SORCS2: variants seen among roughly 807,000 people sequenced by gnomAD.
The protein encoded by SORCS2 is VPS10 domain-containing receptor SorCS2.
Under a neutral mutation model 141.6 loss-of-function variants are expected in SORCS2, and 100 were observed. That is an observed-to-expected ratio of 0.71 (90% CI 0.60 to 0.83). SORCS2 has a LOEUF of 0.83. Ranked by LOEUF, SORCS2 falls within the 40% of genes least tolerant of loss-of-function variation. SORCS2 has a pLI of 0.00. For missense variants in SORCS2, 1,646 were observed against 1,560.2 expected, an observed-to-expected ratio of 1.05 and a Z score of -0.93; for synonymous variants, 789 against 676.9, an observed-to-expected ratio of 1.17 and a Z score of -2.57.
chr4:7,320,069 G>C (rs113048588), intron 1 of SORCS2, among the ~76,000 whole-genome samples: 1 of 152,192 alleles, frequency 6.6e-6, no homozygotes, highest in South Asian at 2.1e-4. Flanking sequence ...TTGGGAGGCC[G>C]AGGAGGGTGT....
chr4:7,391,987 G>A (rs1377974660), intron 1 of SORCS2, among the ~76,000 whole-genome samples: 1 of 152,194 alleles, frequency 6.6e-6, no homozygotes, highest in African/African-American at 2.4e-5. Context: ...CTGCCGGACC[G>A]GCCCTGTTAT....
intron 3 of SORCS2, among the ~76,000 whole-genome samples, chr4:7,555,157 C>G (rs969215509): frequency 6.6e-6 from 1 of 152,236 alleles, no homozygotes; most frequent in Non-Finnish European, 1.5e-5. Context: ...TAAACACTCC[C>G]TCTATGTGAA....
chr4:7,661,407 G>A, intron 5 of SORCS2, 93 bp from the exon 6 acceptor site: 2 of 1,374,126 alleles, frequency 1.5e-6, no homozygotes, highest in Middle Eastern at 1.8e-4. Flanking sequence ...TCAGAACCAG[G>A]GAGGCCACGT....
intron 2 of SORCS2, among the ~76,000 whole-genome samples, chr4:7,420,913 C>T (rs889745379): frequency 5.3e-5 from 8 of 152,300 alleles, no homozygotes; most frequent in Admixed American, 2.6e-4. Context: ...CTCCTCTGCC[C>T]GCCTGTCTCC....
At chr4:7,583,978 C>T (rs1716362156) in intron 3 of SORCS2, among the ~76,000 whole-genome samples, 1 of 152,222 alleles carries the variant, frequency 6.6e-6, no homozygotes, top group Non-Finnish European at 1.5e-5. Context: ...TCAATTTCCT[C>T]ATCTGTAAAA....
At chr4:7,461,964 G>T (rs1274991760) in intron 2 of SORCS2, among the ~76,000 whole-genome samples, 5 of 152,172 alleles carry the variant, frequency 3.3e-5, no homozygotes, top group African/African-American at 1.2e-4. Context: ...TCCCACGGCA[G>T]CTGGACACAG....
chr4:7,293,132 G>A (rs185546836), intron 1 of SORCS2, among the ~76,000 whole-genome samples: 45 of 152,154 alleles, frequency 3.0e-4, no homozygotes, highest in African/African-American at 1.0e-3. Flanking sequence ...GTGAAACCCT[G>A]TCTCTACTAA....
At chr4:7,205,281 C>G (rs1225388743) in intron 1 of SORCS2, among the ~76,000 whole-genome samples, 1 of 152,150 alleles carries the variant, frequency 6.6e-6, no homozygotes, top group Non-Finnish European at 1.5e-5. Context: ...CACAGGGGCT[C>G]TTAGCTCTCT....
intron 2 of SORCS2, among the ~76,000 whole-genome samples, chr4:7,405,875 T>C (rs943943000): frequency 6.6e-6 from 1 of 152,196 alleles, no homozygotes; most frequent in African/African-American, 2.4e-5. Context: ...CAGTACCATG[T>C]TGAATACGAG....
intron 3 of SORCS2, among the ~76,000 whole-genome samples, chr4:7,566,580 A>T (rs987375413): frequency 1.3e-5 from 2 of 152,228 alleles, no homozygotes; most frequent in Non-Finnish European, 2.9e-5. Flanking sequence ...CAAAACCCCA[A>T]ATCTCAGTTG....
chr4:7,481,553 G>A (rs1415719259), intron 2 of SORCS2, among the ~76,000 whole-genome samples: 1 of 152,136 alleles, frequency 6.6e-6, no homozygotes, highest in Non-Finnish European at 1.5e-5. Context: ...GAGCCGAGAG[G>A]GATGGTCCTG....
At chr4:7,676,433 T>C (rs1448050291) in intron 9 of SORCS2, among the ~76,000 whole-genome samples, 1 of 152,218 alleles carries the variant, frequency 6.6e-6, no homozygotes, top group Non-Finnish European at 1.5e-5. Flanking sequence ...AAAGAGAATT[T>C]CCTTCTTGAG....
intron 1 of SORCS2, among the ~76,000 whole-genome samples, chr4:7,302,576 G>A (rs1717503019): frequency 6.6e-6 from 1 of 152,170 alleles, no homozygotes. Context: ...GGCCCTCCCT[G>A]TAGGCCCTGT....
At chr4:7,712,480 G>T (rs911162017) in intron 14 of SORCS2, among the ~76,000 whole-genome samples, 7 of 152,224 alleles carry the variant, frequency 4.6e-5, no homozygotes, top group African/African-American at 1.4e-4. Context: ...AGCGACTCAC[G>T]CAGTGCAATT....
intron 1 of SORCS2, among the ~76,000 whole-genome samples, chr4:7,265,523 C>T (rs1714667479): frequency 6.6e-6 from 1 of 152,092 alleles, no homozygotes; most frequent in Non-Finnish European, 1.5e-5. Flanking sequence ...GTGGGCAGGG[C>T]TCGTTCCCCA....
chr4:7,254,760 C>T (rs1035263286), intron 1 of SORCS2, among the ~76,000 whole-genome samples: 3 of 152,120 alleles, frequency 2.0e-5, no homozygotes, highest in Admixed American at 1.3e-4. Context: ...GGTGACTGGG[C>T]CTGCTTGGAC....
At chr4:7,539,680 A>ACCCCTGTTATGGAGGCCCCGC (rs1712413859) in intron 3 of SORCS2, among the ~76,000 whole-genome samples, 1 of 134,228 alleles carries the variant, frequency 7.5e-6, no homozygotes, top group Non-Finnish European at 1.6e-5. Flanking sequence ...CAAGGCCCCG[A>ACCCCTGTTATGGAGGCCCCGC]CCCCCGTTAT....
At chr4:7,584,954 A>C (rs1009543702) in intron 3 of SORCS2, among the ~76,000 whole-genome samples, 5 of 152,186 alleles carry the variant, frequency 3.3e-5, no homozygotes, top group African/African-American at 9.6e-5. Flanking sequence ...AGGGGGTTGC[A>C]GCGGGTGATG....
chr4:7,498,403 GT>G (rs1466022976), intron 2 of SORCS2, among the ~76,000 whole-genome samples: 1 of 152,236 alleles, frequency 6.6e-6, no homozygotes, highest in Non-Finnish European at 1.5e-5. Flanking sequence ...ATAGAGAACA[GT>G]TTCCAGAATG....
Sources: gnomAD v4.1 joint callset for allele counts (sites outside exome capture counted in the v4.1 genomes callset) on GRCh38, gnomAD v4.1.1 for gene constraint, MANE v1.5 for transcripts, NCBI Gene and HGNC (gene_info 2026-07-23, HGNC 2026-07-21) for gene names.